Variants in PCDHA5 observed in about 807,000 individuals in gnomAD.
PCDHA5 encodes protocadherin alpha 5.
In PCDHA5, 43 loss-of-function variants were observed where a neutral mutation model predicts 61.6. That is an observed-to-expected ratio of 0.70 (90% confidence interval 0.55 to 0.90). The LOEUF (loss-of-function observed/expected upper bound fraction) is 0.90. Ranked by LOEUF, PCDHA5 falls within the 40% of genes least tolerant of loss-of-function variation. The probability of loss-of-function intolerance (pLI) is 0.00; values close to 1 mark genes in which losing one functional copy is unlikely to be tolerated. For synonymous variants in PCDHA5, 627 were observed against 543.9 expected (o/e 1.15, Z -2.13); for missense variants, 1,298 against 1,222.7 (o/e 1.06, Z -0.92).
At chr5:140,894,740 A>AT (rs1157881854) in intron 1 of PCDHA5, among the ~76,000 whole-genome samples, 7 of 151,086 alleles carry the variant, frequency 4.6e-5, no homozygotes, top group Middle Eastern at 3.4e-3. Flanking sequence ...AATTTGTGGA[A>AT]TTTTTTTTCT....
chr5:140,870,167 C>G, intron 1 of PCDHA5: 1 of 1,614,134 alleles, frequency 6.2e-7, no homozygotes, highest in Non-Finnish European at 8.5e-7. Flanking sequence ...ACTTCCTTGT[C>G]CCTCCCAGTA....
chr5:141,008,241 C>G (rs1474460463), intron 3 of PCDHA5, among the ~76,000 whole-genome samples: 2 of 152,118 alleles, frequency 1.3e-5, no homozygotes, highest in African/African-American at 2.4e-5. Flanking sequence ...TGCTCAGGGA[C>G]ACCAAATTAG....
At chr5:140,880,628 A>T (rs566696364) in intron 1 of PCDHA5, among the ~76,000 whole-genome samples, 46 of 152,352 alleles carry the variant, frequency 3.0e-4, no homozygotes, top group Non-Finnish European at 4.4e-5. Flanking sequence ...GGAGTTAATT[A>T]TCAATTCACT....
At chr5:140,830,577 TTTAA>T (rs1269425554) in intron 1 of PCDHA5, 10 of 821,780 alleles carry the variant, frequency 1.2e-5, no homozygotes, top group Non-Finnish European at 1.7e-5. Flanking sequence ...GTTTTTAATT[TTTAA>T]TTAATTTTAC....
chr5:140,868,928 A>C, intron 1 of PCDHA5: 1 of 1,070,100 alleles, frequency 9.3e-7, no homozygotes, highest in Non-Finnish European at 1.3e-6. Flanking sequence ...AGTTCATTTA[A>C]AGGTTGGTCT....
Position 140,880,405 on chromosome 5 carries a change from G to T in PCDHA5, c.2352+56278G>T, listed in dbSNP as rs183953148. Among the ~76,000 whole-genome samples, 426 of 152,300 alleles carry T rather than the reference G, an allele frequency of 2.8e-3. 2 individuals carry two copies. The highest frequency in any genetic ancestry group is 0.014 in the Middle Eastern group (4 of 294). On this transcript the variant is annotated intron_variant, in intron 1 of 3. Coordinates refer to ENST00000529859, the MANE Select transcript of PCDHA5 (RefSeq NM_018908.3). ...AAATAATTTTTAAGAGCATATGGTTGACCTTAAAAGCGGGAACAGTTTTTC... is the reference window on the plus strand; with the variant it reads ...AAATAATTTTTAAGAGCATATGGTTTACCTTAAAAGCGGGAACAGTTTTTC...
At chr5:140,941,209 T>TCC (rs59604197) in intron 1 of PCDHA5, among the ~76,000 whole-genome samples, 12 of 126,888 alleles carry the variant, frequency 9.5e-5, no homozygotes, top group Admixed American at 4.0e-4. Flanking sequence ...CTTCCTTTCT[T>TCC]TCTTCCTTTC....
chr5:140,839,049 A>G (rs943525046), intron 1 of PCDHA5, among the ~76,000 whole-genome samples: 2 of 152,062 alleles, frequency 1.3e-5, no homozygotes, highest in African/African-American at 4.8e-5. Context: ...TTCAACGTGA[A>G]TAAGGATAGA....
chr5:141,005,701 CAAAAAAAAAAAAAAAA>C (rs59860837), intron 3 of PCDHA5, among the ~76,000 whole-genome samples: 5 of 7,786 alleles, frequency 6.4e-4, no homozygotes, highest in African/African-American at 1.9e-3. Context: ...AACTCCGTCT[CAAAAAAAAAAAAAAAA>C]AAAAAAAAAA....
intron 1 of PCDHA5, chr5:140,862,879 G>T: frequency 1.8e-6 from 1 of 567,506 alleles, no homozygotes. Context: ...AGGTATTAGT[G>T]CTGGAACGAC....
chr5:140,944,277 C>T (rs922160593), intron 1 of PCDHA5, among the ~76,000 whole-genome samples: 1 of 152,044 alleles, frequency 6.6e-6, no homozygotes, highest in Non-Finnish European at 1.5e-5. Flanking sequence ...AGCCTTGACA[C>T]CCCGGGCTCA....
chr5:140,872,332 T>G (rs2053600467), intron 1 of PCDHA5, among the ~76,000 whole-genome samples: 1 of 152,172 alleles, frequency 6.6e-6, no homozygotes, highest in African/African-American at 2.4e-5. Context: ...ATGACTAAAA[T>G]TCTACATGTT....
intron 1 of PCDHA5, among the ~76,000 whole-genome samples, chr5:140,973,706 G>A (rs143845626): frequency 4.6e-5 from 7 of 152,274 alleles, no homozygotes; most frequent in South Asian, 4.1e-4. Context: ...TCTGACCCAG[G>A]AGTGAGCCAT....
At chr5:140,830,392 G>T in intron 1 of PCDHA5, 2 of 1,614,160 alleles carry the variant, frequency 1.2e-6, no homozygotes, top group Non-Finnish European at 8.5e-7. Flanking sequence ...CACCCAAGAT[G>T]GATCTCATGG....
At chr5:140,841,950 T>C (rs1580983640) in intron 1 of PCDHA5, 1 of 1,613,892 alleles carries the variant, frequency 6.2e-7, no homozygotes. Context: ...GCGCACCACT[T>C]ATTCCTGACA....
rs930699906 is a variant in PCDHA5 at position 140,851,715 on chromosome 5, G to A, written c.2352+27588G>A. The A allele has an allele frequency of 9.3e-6, 9 of 963,892 alleles. No individual in the cohort carries two copies. In the East Asian group the frequency reaches 3.4e-4, roughly 37 times the overall value. The allele number at this position is 963,892 out of a possible 1,614,324, so 59.7% of individuals were successfully genotyped here. On this transcript the variant is annotated intron_variant, in intron 1 of 3. Transcript: ENST00000529859. Reference sequence around the variant, plus strand: ...AAAATGATCAGCCATGTGAAGATTCGAAACTTCGAGTTCTTTTGAAATTCA... The same window carrying A: ...AAAATGATCAGCCATGTGAAGATTCAAAACTTCGAGTTCTTTTGAAATTCA...
At chr5:140,904,412 A>C (rs1554191488) in intron 1 of PCDHA5, among the ~76,000 whole-genome samples, 2 of 150,986 alleles carry the variant, frequency 1.3e-5, no homozygotes, top group Non-Finnish European at 2.9e-5. Context: ...TATATATATA[A>C]TACATATATT....
At chr5:140,903,563 T>G (rs1459855021) in intron 1 of PCDHA5, among the ~76,000 whole-genome samples, 1 of 152,208 alleles carries the variant, frequency 6.6e-6, no homozygotes, top group African/African-American at 2.4e-5. Context: ...ATAAGTGGAA[T>G]TGGGAGCTGT....
In PCDHA5 at chr5:140,841,101, CG is replaced by C. The variant is rs1220554123; in HGVS notation, c.2352+16976del. 6.9e-6 allele frequency: 4 copies of C among 575,664 alleles called. No individual in the cohort carries two copies. The African/African-American group carries it at 7.5e-5, about 11-fold the overall frequency. The allele number at this position is 575,664 out of a possible 1,614,324, so 35.7% of individuals were successfully genotyped here. A position where few individuals can be genotyped will look rare whatever the true frequency, so the allele number is the denominator to read the frequency against. ...AGTGCATAGAAGAACCCAGATATTG[CG>C]GAAGTAATTCATGTAATCATTACCT... On this transcript the variant is annotated intron_variant, in intron 1 of 3. Coordinates refer to ENST00000529859, the MANE Select transcript of PCDHA5 (RefSeq NM_018908.3).
Sources: gnomAD v4.1 joint callset for allele counts (sites outside exome capture counted in the v4.1 genomes callset) on GRCh38, gnomAD v4.1.1 for gene constraint, MANE v1.5 for transcripts, NCBI Gene and HGNC (gene_info 2026-07-23, HGNC 2026-07-21) for gene names.